Variants in ZNF839 observed in about 807,000 individuals in gnomAD.
ZNF839 encodes zinc finger protein 839, also known as renal carcinoma antigen NY-REN-50.
In ZNF839, 38 loss-of-function variants were observed where a neutral mutation model predicts 56.4. That is an observed-to-expected ratio of 0.67 (90% CI 0.52 to 0.88). The LOEUF (loss-of-function observed/expected upper bound fraction) is 0.88. Ranked by LOEUF, ZNF839 falls within the 40% of genes least tolerant of loss-of-function variation. The probability of loss-of-function intolerance (pLI) is 0.00; values close to 1 mark genes in which losing one functional copy is unlikely to be tolerated. For missense variants in ZNF839, 1,091 were observed against 1,177.6 expected, an observed-to-expected ratio of 0.93 and a Z score of 1.08; for synonymous variants, 486 against 493.5, an observed-to-expected ratio of 0.98 and a Z score of 0.20.
chr14:102,340,113 C>T (rs1886344000), intron 7 of ZNF839, among the ~76,000 whole-genome samples: 1 of 151,538 alleles, frequency 6.6e-6, no homozygotes, highest in Admixed American at 6.6e-5. Context: ...GCTGGGATTA[C>T]AGGCACCCGC....
rs1464633165 is a variant in ZNF839 at position 102,335,763 on chromosome 14, T to C, written c.1584T>C (p.Val528=). ...YKEFEELHKM[V]KKMCQDYLSS... ...AATTTGAAGAGTTGCATAAAATGGT[T>C]AAGAAAATGTGCCAAGATTACCTCA... The change falls in exon 5 of 8, where the codon GTT becomes GTC. Residue 528 remains valine, a synonymous_variant. Transcript: ENST00000442396. 3.7e-6 allele frequency: 6 copies of C among 1,604,604 alleles called. No homozygotes were observed. Among genetic ancestry groups the C allele is most frequent in the Non-Finnish European group, 5.1e-6 (6 of 1,179,834 alleles).
intron 1 of ZNF839, among the ~76,000 whole-genome samples, chr14:102,324,542 T>TA (rs986389111): frequency 3.8e-4 from 57 of 150,842 alleles, no homozygotes; most frequent in Non-Finnish European, 6.1e-4. Flanking sequence ...GACTTCATCT[T>TA]AAAAAAAAAT....
Position 102,319,895 on chromosome 14 carries a change from G to C in ZNF839, c.130G>C (p.Val44Leu). ...GCTGGGCCCCGAGCAGCTGCGGCAG[G>C]TCCTGGAGCAGGTGACGAAGGCGCA... ...APLGPEQLRQ[V>L]LEQVTKAQPP... The change falls in exon 1 of 8, where the codon GTC (valine) becomes CTC (leucine). Residue 44 changes from valine to leucine, a missense_variant. Physicochemically the swap from Val to Leu is conservative, Grantham distance 32. Coordinates refer to ENST00000442396, the MANE Select transcript of ZNF839 (RefSeq NM_018335.6). This position sits in a 1 kb window ranked among gnomAD's most constrained non-coding sequence, Gnocchi z 4.5. 1 of 1,292,698 alleles carries C rather than the reference G, an allele frequency of 7.7e-7. No individual in the cohort carries two copies. The highest frequency in any genetic ancestry group is 9.9e-7 in the Non-Finnish European group (1 of 1,015,166). The allele number at this position is 1,292,698 out of a possible 1,614,324, so 80.1% of individuals were successfully genotyped here. A position where few individuals can be genotyped will look rare whatever the true frequency, so the allele number is the denominator to read the frequency against.
At position 102,326,112 on chromosome 14, in the gene ZNF839, G is replaced by A; in HGVS notation, c.416G>A (p.Cys139Tyr). 1 of 1,613,938 alleles carries A rather than the reference G, an allele frequency of 6.2e-7. No homozygotes were observed. The change falls in exon 2 of 8, where the codon TGC becomes TAC. Residue 139 changes from cysteine to tyrosine, a missense_variant. Cys to Tyr is a radical substitution (Grantham distance 194). Transcript: ENST00000442396. This position sits in a 1 kb window ranked among gnomAD's most constrained non-coding sequence, Gnocchi z 4.3. ...RKSQLPRGNS[C>Y]LVGLHIASPQ... ...AGCCAGCTGCCCCGGGGGAATTCCT[G>A]CCTGGTGGGGCTCCATATCGCCAGC...
At chr14:102,334,928 A>G (rs1430924374) in intron 4 of ZNF839, 1 of 160,600 alleles carries the variant, frequency 6.2e-6, no homozygotes, top group East Asian at 1.7e-4. Context: ...TTATTTAAAA[A>G]AATTTTTTTT....
intron 5 of ZNF839, among the ~76,000 whole-genome samples, chr14:102,338,539 GAAAAAAAAA>G (rs954011615): frequency 3.1e-5 from 1 of 32,074 alleles, no homozygotes; most frequent in African/African-American, 1.1e-4. Context: ...CTCTGTCTCA[GAAAAAAAAA>G]AAAAAAAAAA....
At chr14:102,317,694 G>A (rs1409286484), upstream of ZNF839, 1 of 152,236 alleles carries the variant, frequency 6.6e-6, no homozygotes, top group African/African-American at 2.4e-5. Flanking sequence ...ACCCGCTGGA[G>A]ACAGTGACCA....
At chr14:102,334,494 G>C in intron 3 of ZNF839, 60 bp from the exon 4 acceptor site, 1 of 1,266,032 alleles carries the variant, frequency 7.9e-7, no homozygotes, top group Non-Finnish European at 1.1e-6. Flanking sequence ...GCACCAACTT[G>C]TTGGCTATTG....
rs765888706 is a variant in ZNF839, at chr14:102,342,042, T to A, written c.2647T>A (p.Ser883Thr). The A allele has an allele frequency of 1.7e-5, 28 of 1,613,880 alleles. No individual in the cohort carries two copies. In the East Asian group the frequency reaches 6.2e-4, roughly 36 times the overall value. ...EISNGSHELL[S>T]QGQKQIFIQT... ...TTCCAATGGGAGCCATGAGTTACTG[T>A]CTCAGGGACAGAAGCAGATTTTTAT... The change falls in exon 8 of 8, where the codon TCT becomes ACT. Residue 883 changes from serine (S) to threonine (T), a missense_variant. Ser to Thr is a moderately conservative substitution (Grantham distance 58). Transcript: ENST00000442396.
At chr14:102,317,807 T>C (rs1345172443), upstream of ZNF839, 2 of 152,170 alleles carry the variant, frequency 1.3e-5, no homozygotes, top group African/African-American at 2.4e-5. Context: ...TTCGGAGACA[T>C]CTTAGGCTTC....
chr14:102,329,723 GTGTA>G lies in ZNF839; in HGVS notation c.1192-1895_1192-1892del, dbSNP rs1312739540. ...CTAATATTTGTGTGTGTGTGTGTGT[GTGTA>G]TGTGTGTGTGTAATCTTTAGGCATT... On this transcript the variant is annotated intron_variant, in intron 2 of 7. Transcript: ENST00000442396. Among the ~76,000 whole-genome samples, 800 of 148,140 alleles carry G rather than the reference GTGTA, an allele frequency of 5.4e-3. 9 individuals carry two copies. Among genetic ancestry groups the G allele is most frequent in the African/African-American group, 0.02 (764 of 39,162 alleles).
chr14:102,335,907 A>G (rs2073993534), intron 5 of ZNF839, 69 bp downstream of exon 5: 8 of 1,557,832 alleles, frequency 5.1e-6, no homozygotes, highest in Non-Finnish European at 6.1e-6. Flanking sequence ...GGCCACGTGC[A>G]GTGGCTTATG....
intron 2 of ZNF839, among the ~76,000 whole-genome samples, chr14:102,328,152 C>T (rs944178764): frequency 2.6e-5 from 4 of 151,278 alleles, no homozygotes; most frequent in Non-Finnish European, 4.4e-5. Context: ...GTGACGAGTT[C>T]GAGACCAGCC....
Position 102,341,908 on chromosome 14 carries a change from GA to G in ZNF839, c.2515del (p.Ser839AlafsTer6). ...HGSLLTEGCL[R>X]SLSGDLNRFP... Reference sequence around the variant, plus strand: ...TCACTATTGACTGAAGGGTGTCTCAGAAGCCTTTCGGGGGACTTGAACCGGT... The same window carrying G: ...TCACTATTGACTGAAGGGTGTCTCAGAGCCTTTCGGGGGACTTGAACCGGT... On this transcript the variant is annotated frameshift_variant, in exon 8 of 8. Coordinates refer to ENST00000442396, the MANE Select transcript of ZNF839 (RefSeq NM_018335.6). LOFTEE classifies it low-confidence loss of function (END_TRUNC). 6.2e-7 allele frequency: 1 copy of G among 1,614,074 alleles called. No homozygotes were observed. The highest frequency in any genetic ancestry group is 1.3e-5 in the African/African-American group (1 of 75,072).
intron 1 of ZNF839, 62 bp downstream of exon 1, chr14:102,320,115 G>A: frequency 8.9e-7 from 1 of 1,122,542 alleles, no homozygotes. Context: ...CCCCGCGGCG[G>A]GGTAGCTGCT....
chr14:102,340,360 C>T (rs1886377318), intron 7 of ZNF839, among the ~76,000 whole-genome samples: 1 of 151,656 alleles, frequency 6.6e-6, no homozygotes, highest in Admixed American at 6.6e-5. Context: ...CAACCTCTGC[C>T]TCCCAGGCTC....
Position 102,326,581 on chromosome 14 carries a change from GGA to G in ZNF839, c.889_890del (p.Arg297AlafsTer5). On this transcript the variant is annotated frameshift_variant, in exon 2 of 8. Transcript: ENST00000442396. LOFTEE classifies it high-confidence loss of function. This position sits in a 1 kb window ranked among gnomAD's most constrained non-coding sequence, Gnocchi z 4.3. The stretch of plus-strand genomic sequence containing the variant: ...GTGTGGAAGAAGATGAAGATCAGAG[GGA>G]GAGGCACGCACTCTTTGACTTATCG... ...LCVEEDEDQR[E>X]RHALFDLSSC... The G allele has an allele frequency of 6.2e-7, 1 of 1,613,906 alleles. No homozygotes were observed. Among genetic ancestry groups the G allele is most frequent in the Non-Finnish European group, 8.5e-7 (1 of 1,179,846 alleles).
At chr14:102,319,727 C>G (rs942037809), upstream of ZNF839, 1 of 1,226,276 alleles carries the variant, frequency 8.2e-7, no homozygotes, top group Non-Finnish European at 1.0e-6. The surrounding 1 kb of genome is among the most constrained non-coding windows in gnomAD (Gnocchi z 4.5). Flanking sequence ...GAGACGCCGT[C>G]GCTCAGCGAC....
chr14:102,329,841 T>C (rs2139520133), intron 2 of ZNF839, among the ~76,000 whole-genome samples: 1 of 145,338 alleles, frequency 6.9e-6, no homozygotes, highest in Non-Finnish European at 1.5e-5. Context: ...TCACCCAGGC[T>C]GGAGTGTAAT....
Sources: gnomAD v4.1 joint callset for allele counts (sites outside exome capture counted in the v4.1 genomes callset) on GRCh38, gnomAD v4.1.1 for gene constraint, Gnocchi (gnomAD v3.1) non-coding constraint, MANE v1.5 for transcripts, NCBI Gene and HGNC (gene_info 2026-07-23, HGNC 2026-07-21) for gene names.